Variants in RGS7 observed in about 807,000 individuals in gnomAD.
RGS7 encodes the protein regulator of G-protein signaling 7.
RGS7 carries 27 observed loss-of-function variants against 81.1 expected under a neutral mutation model. That is an observed-to-expected ratio of 0.33 (90% confidence interval 0.25 to 0.46). The LOEUF is 0.46. RGS7 is among the 20% of genes least tolerant of loss of function. The pLI is 1.00. For missense variants in RGS7, 396 were observed against 607.4 expected, an observed-to-expected ratio of 0.65 and a Z score of 3.66; for synonymous variants, 208 against 207.7, an observed-to-expected ratio of 1.00 and a Z score of -0.01.
chr1:241,233,371 T>C (rs1481027516), intron 2 of RGS7, among the ~76,000 whole-genome samples: 3 of 152,178 alleles, frequency 2.0e-5, no homozygotes, highest in Non-Finnish European at 4.4e-5. Flanking sequence ...AATCAACTTC[T>C]CTTCCCTCCT....
At chr1:240,983,767 C>T (rs1685267477) in intron 3 of RGS7, among the ~76,000 whole-genome samples, 1 of 152,194 alleles carries the variant, frequency 6.6e-6, no homozygotes, top group South Asian at 2.1e-4. Context: ...GTGTTGATCA[C>T]ACACCATTGC....
chr1:241,356,239 G>A (rs1277456200), intron 1 of RGS7, among the ~76,000 whole-genome samples: 1 of 151,348 alleles, frequency 6.6e-6, no homozygotes, highest in Non-Finnish European at 1.5e-5. Context: ...GGAGTGGGGG[G>A]CGGGTTAGCA....
At chr1:241,071,900 A>AAAAC (rs1572551363) in intron 3 of RGS7, among the ~76,000 whole-genome samples, 2 of 150,986 alleles carry the variant, frequency 1.3e-5, no homozygotes, top group African/African-American at 2.4e-5. Flanking sequence ...AAAAAACAAG[A>AAAAC]AAGAAAGAAG....
chr1:240,969,161 T>A (rs551002056), intron 4 of RGS7, among the ~76,000 whole-genome samples: 3 of 151,956 alleles, frequency 2.0e-5, no homozygotes, highest in African/African-American at 2.4e-5. Flanking sequence ...TTTTTACTTT[T>A]CTTTTCTTTT....
Position 240,999,377 on chromosome 1 carries a change from CA to C in RGS7, c.176-16249del, listed in dbSNP as rs199672859. ...TAGCTGATGAGATTTTTAAGAATCA[CA>C]AAAAAAACAACCAACCTCATAATGT... On this transcript the variant is annotated intron_variant, in intron 3 of 18. Transcript: ENST00000440928. Among the ~76,000 whole-genome samples the C allele has an allele frequency of 3.8e-3, 572 of 151,034 alleles. 4 individuals are homozygous for C. Among genetic ancestry groups the C allele is most frequent in the African/African-American group, 0.013 (547 of 41,170 alleles).
At chr1:240,912,109 C>A (rs1259624391) in intron 6 of RGS7, among the ~76,000 whole-genome samples, 1 of 132,154 alleles carries the variant, frequency 7.6e-6, no homozygotes, top group African/African-American at 2.9e-5. Flanking sequence ...TGAGATCGTG[C>A]CACTGCACTC....
intron 2 of RGS7, among the ~76,000 whole-genome samples, chr1:241,147,694 C>T (rs1229810513): frequency 6.7e-6 from 1 of 148,548 alleles, no homozygotes; most frequent in Non-Finnish European, 1.5e-5. Context: ...ATCTTTAAAT[C>T]ACTTTCAATC....
At position 240,866,850 on chromosome 1, in the gene RGS7, C is replaced by A. The variant is rs1478208895; in HGVS notation, c.609+1737G>T. On this transcript the variant is annotated intron_variant, in intron 9 of 18. Coordinates refer to ENST00000440928, the MANE Select transcript of RGS7 (RefSeq NM_001364886.1). ...TCTCAGAGCATGAAATAGACGTGGG[C>A]AGTGCAGGGGAGCTGGCATGGTGTG... 3.9e-5 allele frequency among the ~76,000 whole-genome samples: 6 copies of A among 152,008 alleles called. No individual in the cohort carries two copies. The East Asian group carries it at 9.7e-4, about 25-fold the overall frequency.
intron 5 of RGS7, among the ~76,000 whole-genome samples, chr1:240,932,993 C>T (rs1285110047): frequency 2.7e-5 from 4 of 146,346 alleles, no homozygotes; most frequent in South Asian, 2.2e-4. Context: ...ACGCCATTCT[C>T]CTGCCTCAGC....
intron 4 of RGS7, among the ~76,000 whole-genome samples, chr1:240,955,570 A>AAAAAAAAAAAAAAAC (rs1680267617): frequency 2.4e-4 from 1 of 4,192 alleles, no homozygotes; most frequent in Non-Finnish European, 9.2e-4. Flanking sequence ...AAAAAAAAAA[A>AAAAAAAAAAAAAAAC]AAAAAAAAAA....
intron 3 of RGS7, among the ~76,000 whole-genome samples, chr1:241,055,534 T>C (rs1419819434): frequency 6.6e-6 from 1 of 152,084 alleles, no homozygotes; most frequent in East Asian, 1.9e-4. Flanking sequence ...TCATTTATTA[T>C]AAAGGATATT....
At chr1:241,090,801 G>A (rs1220801448) in intron 3 of RGS7, among the ~76,000 whole-genome samples, 1 of 152,170 alleles carries the variant, frequency 6.6e-6, no homozygotes, top group Non-Finnish European at 1.5e-5. Context: ...CTCCTTAGAG[G>A]TAAAAATGAA....
chr1:241,106,016 A>C (rs929252325), intron 2 of RGS7, among the ~76,000 whole-genome samples: 1 of 152,214 alleles, frequency 6.6e-6, no homozygotes, highest in African/African-American at 2.4e-5. Flanking sequence ...TTTCTTGGGC[A>C]GTTAGGTGGT....
chr1:241,052,302 T>C (rs1247806676), intron 3 of RGS7, among the ~76,000 whole-genome samples: 3 of 151,978 alleles, frequency 2.0e-5, no homozygotes, highest in Non-Finnish European at 4.4e-5. Flanking sequence ...GCGATCAAGG[T>C]TGTTAAGGAG....
At chr1:240,879,794 T>C (rs1009942892) in intron 6 of RGS7, among the ~76,000 whole-genome samples, 1 of 152,226 alleles carries the variant, frequency 6.6e-6, no homozygotes, top group African/African-American at 2.4e-5. Context: ...TTTCCAACTT[T>C]TTTAATTACT....
At chr1:241,222,697 TCAAA>T (rs1290536162) in intron 2 of RGS7, among the ~76,000 whole-genome samples, 1 of 152,148 alleles carries the variant, frequency 6.6e-6, no homozygotes, top group African/African-American at 2.4e-5. Flanking sequence ...GAAGCAAAGC[TCAAA>T]CAGAGATTAA....
At chr1:240,844,326 C>A (rs1463576398) in intron 9 of RGS7, among the ~76,000 whole-genome samples, 1 of 152,118 alleles carries the variant, frequency 6.6e-6, no homozygotes, top group African/African-American at 2.4e-5. Context: ...ATGCAAGATA[C>A]CATCAGTACT....
intron 9 of RGS7, among the ~76,000 whole-genome samples, chr1:240,852,480 C>A (rs1473298225): frequency 6.6e-6 from 1 of 151,802 alleles, no homozygotes; most frequent in Non-Finnish European, 1.5e-5. Flanking sequence ...GGAATTTAAC[C>A]CCAAATATCT....
intron 2 of RGS7, among the ~76,000 whole-genome samples, chr1:241,217,070 G>C (rs1290065625): frequency 6.6e-6 from 1 of 152,180 alleles, no homozygotes; most frequent in Non-Finnish European, 1.5e-5. Flanking sequence ...CCTCCAGTGT[G>C]GCTGTATTTG....
Sources: gnomAD v4.1 joint callset for allele counts (sites outside exome capture counted in the v4.1 genomes callset) on GRCh38, gnomAD v4.1.1 for gene constraint, MANE v1.5 for transcripts, NCBI Gene and HGNC (gene_info 2026-07-23, HGNC 2026-07-21) for gene names.